The following OSBP2 variants were observed in gnomAD, a reference collection of about 807,000 sequenced individuals.
The protein encoded by OSBP2 is oxysterol-binding protein 2.
OSBP2 carries 66 observed loss-of-function variants against 96.0 expected under a neutral mutation model. That is an observed-to-expected ratio of 0.69 (90% CI 0.56 to 0.84). The LOEUF (loss-of-function observed/expected upper bound fraction) is 0.84, where lower values mean the gene tolerates loss of function less well. Ranked by LOEUF, OSBP2 falls within the 40% of genes least tolerant of loss-of-function variation. The pLI, the probability that OSBP2 is intolerant of heterozygous loss-of-function variation, is 0.00. For synonymous variants in OSBP2, 525 were observed against 520.9 expected, an observed-to-expected ratio of 1.01 and a Z score of -0.11; for missense variants, 1,038 against 1,222.7, an observed-to-expected ratio of 0.85 and a Z score of 2.25.
chr22:30,776,576 G>A (rs2090440818), intron 2 of OSBP2, among the ~76,000 whole-genome samples: 1 of 151,918 alleles, frequency 6.6e-6, no homozygotes, highest in Non-Finnish European at 1.5e-5. Context: ...ACTGGGACAA[G>A]CATTTCTGTG....
chr22:30,838,992 TC>T (rs1569144978), intron 2 of OSBP2, among the ~76,000 whole-genome samples: 1 of 42,402 alleles, frequency 2.4e-5, no homozygotes, highest in Non-Finnish European at 4.4e-5. Context: ...CCCCCACCCT[TC>T]CCCCCTCCCC....
chr22:30,869,220 G>C (rs1268645066), intron 2 of OSBP2, among the ~76,000 whole-genome samples: 1 of 152,210 alleles, frequency 6.6e-6, no homozygotes, highest in Non-Finnish European at 1.5e-5. Context: ...GGGCGTGGGA[G>C]CTGGCAGAGG....
At chr22:30,775,430 A>C (rs2090417740) in intron 2 of OSBP2, among the ~76,000 whole-genome samples, 1 of 151,694 alleles carries the variant, frequency 6.6e-6, no homozygotes, top group African/African-American at 2.4e-5. Context: ...CAACATGGTG[A>C]TAGCCCTTCT....
At chr22:30,824,429 G>T (rs2038354158) in intron 2 of OSBP2, among the ~76,000 whole-genome samples, 1 of 152,180 alleles carries the variant, frequency 6.6e-6, no homozygotes, top group Non-Finnish European at 1.5e-5. Context: ...TGTCCCTCAG[G>T]TGTTCTGTGT....
At position 30,695,152 on chromosome 22, in the gene OSBP2, A is replaced by G. The variant is rs13053290; in HGVS notation, c.243A>G (p.Glu81=). 0.28 allele frequency: 443,017 copies of G among 1,608,360 alleles called. 65,932 individuals carry two copies. Among genetic ancestry groups the G allele is most frequent in the African/African-American group, 0.48 (35,575 of 74,874 alleles). ...EAVSEAVPRS[E]PVSETTSEPE... ...TTTCGGAGGCAGTGCCAAGATCGGAACCTGTGTCCGAGACGACGTCTGAGC... is the reference window on the plus strand; with the variant it reads ...TTTCGGAGGCAGTGCCAAGATCGGAGCCTGTGTCCGAGACGACGTCTGAGC... Residue 81 remains glutamate (E), a synonymous_variant, in exon 1 of 14, where the codon GAA becomes GAG. Transcript: ENST00000332585.
chr22:30,863,003 CTTGGGG>C (rs1367202370), intron 2 of OSBP2, among the ~76,000 whole-genome samples: 1 of 151,566 alleles, frequency 6.6e-6, no homozygotes, highest in Non-Finnish European at 1.5e-5. Context: ...AATCAACAGA[CTTGGGG>C]TCTTGGGCAG....
chr22:30,809,116 G>A (rs2090972921), intron 2 of OSBP2, among the ~76,000 whole-genome samples: 1 of 152,196 alleles, frequency 6.6e-6, no homozygotes, highest in Non-Finnish European at 1.5e-5. Flanking sequence ...GGCAAGGAAG[G>A]ATTCTCCCCT....
intron 2 of OSBP2, among the ~76,000 whole-genome samples, chr22:30,742,654 T>C (rs1397407751): frequency 1.3e-5 from 2 of 152,238 alleles, no homozygotes; most frequent in African/African-American, 4.8e-5. Flanking sequence ...TCCCTGTCAA[T>C]ATGTAAAAAG....
At chr22:30,872,277 A>G (rs1362868947) in intron 3 of OSBP2, 2 of 456,538 alleles carry the variant, frequency 4.4e-6, no homozygotes, top group African/African-American at 4.0e-5. Context: ...GAATGACATA[A>G]TAATGCGTTT....
intron 3 of OSBP2, among the ~76,000 whole-genome samples, chr22:30,886,872 G>C (rs914563835): frequency 3.3e-5 from 5 of 152,118 alleles, no homozygotes; most frequent in Admixed American, 1.3e-4. Flanking sequence ...CCCACGAGAG[G>C]GTTCTTGGAT....
intron 2 of OSBP2, among the ~76,000 whole-genome samples, chr22:30,787,179 A>C (rs2090602705): frequency 6.6e-6 from 1 of 152,138 alleles, no homozygotes; most frequent in South Asian, 2.1e-4. Context: ...AAGACTAAGT[A>C]ATTTATAAAG....
chr22:30,804,937 G>C (rs1211966182), intron 2 of OSBP2, among the ~76,000 whole-genome samples: 1 of 152,178 alleles, frequency 6.6e-6, no homozygotes, highest in Non-Finnish European at 1.5e-5. Context: ...GTGTGTATTT[G>C]AGCCTTGCAT....
intron 2 of OSBP2, among the ~76,000 whole-genome samples, chr22:30,852,371 G>A (rs1486463279): frequency 2.0e-5 from 3 of 152,022 alleles, no homozygotes; most frequent in African/African-American, 7.2e-5. Context: ...GTCATTTTTG[G>A]TAATTGGTTC....
intron 12 of OSBP2, among the ~76,000 whole-genome samples, chr22:30,899,149 G>A (rs1448390847): frequency 6.6e-6 from 1 of 152,026 alleles, no homozygotes; most frequent in African/African-American, 2.4e-5. Flanking sequence ...GGAAAGCCAA[G>A]GCAGTTGGAT....
At chr22:30,773,887 G>A (rs899898815) in intron 2 of OSBP2, among the ~76,000 whole-genome samples, 1 of 152,206 alleles carries the variant, frequency 6.6e-6, no homozygotes, top group African/African-American at 2.4e-5. Context: ...GGGCAGTGGA[G>A]TCCTTAGCAA....
intron 2 of OSBP2, among the ~76,000 whole-genome samples, chr22:30,790,557 G>A (rs2090659457): frequency 6.6e-6 from 1 of 151,588 alleles, no homozygotes; most frequent in South Asian, 2.1e-4. Context: ...AGTTTCTACT[G>A]CTGCTTGCTC....
At chr22:30,712,647 G>A (rs2089372184) in intron 1 of OSBP2, among the ~76,000 whole-genome samples, 1 of 152,176 alleles carries the variant, frequency 6.6e-6, no homozygotes, top group South Asian at 2.1e-4. Flanking sequence ...GGAGCGTCCA[G>A]GATCACCCTC....
chr22:30,711,509 G>A (rs2089349293), intron 1 of OSBP2, among the ~76,000 whole-genome samples: 1 of 152,010 alleles, frequency 6.6e-6, no homozygotes, highest in East Asian at 1.9e-4. Flanking sequence ...GGTAGCCAAG[G>A]TGGGTGGATC....
At chr22:30,813,328 C>T (rs2091036640) in intron 2 of OSBP2, among the ~76,000 whole-genome samples, 1 of 151,896 alleles carries the variant, frequency 6.6e-6, no homozygotes, top group Non-Finnish European at 1.5e-5. Context: ...TGCACACCAC[C>T]ATGCCTGACT....
Sources: gnomAD v4.1 joint callset for allele counts (sites outside exome capture counted in the v4.1 genomes callset) on GRCh38, gnomAD v4.1.1 for gene constraint, MANE v1.5 for transcripts, NCBI Gene and HGNC (gene_info 2026-07-23, HGNC 2026-07-21) for gene names.